Variants in VWA5A observed in about 807,000 individuals in gnomAD.
VWA5A encodes the protein von Willebrand factor A domain containing 5A, also known as von Willebrand factor A domain-containing protein 5A.
In VWA5A, 77 loss-of-function variants were observed where a neutral mutation model predicts 84.6. The ratio of observed to expected loss-of-function variants is 0.91; its 90% CI spans 0.76 to 1.10. VWA5A has a LOEUF of 1.10. VWA5A is among the 50% of genes least tolerant of loss of function. VWA5A has a pLI of 0.00. For synonymous variants in VWA5A, 334 were observed against 350.1 expected (o/e 0.95, Z 0.51); for missense variants, 973 against 963.0 (o/e 1.01, Z -0.14).
chr11:124,135,115 G>T, intron 12 of VWA5A, 81 bp downstream of exon 12: 1 of 1,165,934 alleles, frequency 8.6e-7, no homozygotes, highest in Non-Finnish European at 1.2e-6. Context: ...CTGTGTAAGG[G>T]CAGGGGTAGC....
rs748442169 is a variant in VWA5A, at chr11:124,118,397, G to A, written c.455G>A (p.Arg152Lys). The A allele has an allele frequency of 6.2e-7, 1 of 1,614,242 alleles. No homozygotes were observed. The highest frequency in any genetic ancestry group is 8.5e-7 in the Non-Finnish European group (1 of 1,180,030). The change falls in exon 5 of 19, where the codon AGA (arginine) becomes AAA (lysine). Residue 152 changes from arginine to lysine, a missense_variant. Arg to Lys is a conservative substitution (Grantham distance 26). Transcript: ENST00000456829. ...RFVLPAVLNP[R>K]YQFSGSSKDS... ...GTGCTCCCAGCTGTCCTGAATCCTA[G>A]ATACCAGTTCTCTGGTGAGTACCTC...
chr11:124,139,257 G>T (rs1591365829), intron 15 of VWA5A, among the ~76,000 whole-genome samples: 1 of 147,846 alleles, frequency 6.8e-6, no homozygotes, highest in East Asian at 2.1e-4. Context: ...GTGTGTGTGT[G>T]TTTTCTCAAG....
At chr11:124,145,716 A>G (rs1860809246) in intron 18 of VWA5A, 150 bp from the exon 19 acceptor site, 2 of 817,678 alleles carry the variant, frequency 2.4e-6, no homozygotes, top group Non-Finnish European at 3.7e-6. Flanking sequence ...GGGCCAGAGA[A>G]GATTCAAGGA....
intron 11 of VWA5A, among the ~76,000 whole-genome samples, chr11:124,130,027 A>C (rs1397046752): frequency 1.3e-5 from 2 of 151,684 alleles, no homozygotes; most frequent in African/African-American, 4.9e-5. Context: ...CTAGCTTTTG[A>C]ATGTGTTTGC....
At position 124,146,764 on chromosome 11, in the gene VWA5A, A is replaced by C. The variant is rs1405655237; in HGVS notation, c.*819A>C. 1.3e-5 allele frequency: 2 copies of C among 152,272 alleles called. No individual in the cohort carries two copies. The highest frequency in any genetic ancestry group is 6.6e-5 in the Admixed American group (1 of 15,266). 9.4% of individuals were successfully genotyped at this position (152,272 alleles called of 1,614,324 possible). A position where few individuals can be genotyped will look rare whatever the true frequency, so the allele number is the denominator to read the frequency against. Reference sequence around the variant, plus strand: ...GACCTGAACCTGGAGCACTTACCGCATTAGGAAGAAAGGAGCTCCCCGTAA... The same window carrying C: ...GACCTGAACCTGGAGCACTTACCGCCTTAGGAAGAAAGGAGCTCCCCGTAA... On this transcript the variant is annotated 3_prime_UTR_variant, in exon 19 of 19. Coordinates refer to ENST00000456829, the MANE Select transcript of VWA5A (RefSeq NM_001130142.2).
rs1332850651 is a variant in VWA5A, at chr11:124,133,524, A to T, written c.1245-1396A>T. On this transcript the variant is annotated intron_variant, in intron 11 of 18. Coordinates refer to ENST00000456829, the MANE Select transcript of VWA5A (RefSeq NM_001130142.2). ...GATGTTTTCAAACAAATTATTGTAA[A>T]TATTGTATACAGCTTTCCTAGTTCT... is the stretch of plus-strand genomic sequence containing the variant. 5.3e-5 allele frequency among the ~76,000 whole-genome samples: 8 copies of T among 152,298 alleles called. No homozygotes were observed. The East Asian group carries it at 1.5e-3, about 29-fold the overall frequency.
In VWA5A at chr11:124,123,899, T is replaced by A. The variant is rs955102319; in HGVS notation, c.1164+95T>A. On this transcript the variant is annotated intron_variant, in intron 10 of 18. Transcript: ENST00000456829. ...CTTCATGCAGTATGTTGAAATATAG[T>A]TTGCAATTCACAGTCTTCTATCATA... The A allele has an allele frequency of 2.1e-6, 3 of 1,449,362 alleles. No homozygotes were observed. In the African/African-American group the frequency reaches 4.3e-5, roughly 21 times the overall value. The allele number at this position is 1,449,362 out of a possible 1,614,324, so 89.8% of individuals were successfully genotyped here.
Position 124,146,868 on chromosome 11 carries a change from T to C in VWA5A, c.*923T>C, listed in dbSNP as rs1320112287. The C allele has an allele frequency of 1.2e-5, 2 of 161,492 alleles. No individual in the cohort carries two copies. The highest frequency in any genetic ancestry group is 4.8e-5 in the African/African-American group (2 of 41,456). The allele number at this position is 161,492 out of a possible 1,614,324, so 10.0% of individuals were successfully genotyped here. Reference sequence around the variant, plus strand: ...TTGATATGCTGTCCCTTAAAATAACTTGTATCAATATTAAAATGACTATTT... The same window carrying C: ...TTGATATGCTGTCCCTTAAAATAACCTGTATCAATATTAAAATGACTATTT... On this transcript the variant is annotated 3_prime_UTR_variant, in exon 19 of 19. Transcript: ENST00000456829.
At chr11:124,133,358 C>A (rs1036449402) in intron 11 of VWA5A, among the ~76,000 whole-genome samples, 4 of 152,194 alleles carry the variant, frequency 2.6e-5, no homozygotes, top group Admixed American at 6.5e-5. Context: ...CTGCGTGTAA[C>A]CACTTAGGTT....
In VWA5A at chr11:124,128,411, T is replaced by C. The variant is rs565873691; in HGVS notation, c.1244+4095T>C. ...ACCAGTACCATGCCGTTTTGGTTACTGTAGCCTTGTAGTATAGTTTGAAGC... is the reference window on the plus strand; with the variant it reads ...ACCAGTACCATGCCGTTTTGGTTACCGTAGCCTTGTAGTATAGTTTGAAGC... On this transcript the variant is annotated intron_variant, in intron 11 of 18. Coordinates refer to ENST00000456829, the MANE Select transcript of VWA5A (RefSeq NM_001130142.2). 6.6e-5 allele frequency among the ~76,000 whole-genome samples: 10 copies of C among 152,372 alleles called. No individual in the cohort carries two copies. The South Asian group carries it at 1.0e-3, about 16-fold the overall frequency.
intron 17 of VWA5A, among the ~76,000 whole-genome samples, chr11:124,144,446 CTGTT>C (rs1360304902): frequency 6.6e-6 from 1 of 152,158 alleles, no homozygotes; most frequent in African/African-American, 2.4e-5. Flanking sequence ...AATCATTACG[CTGTT>C]TGTTTTTAGA....
intron 17 of VWA5A, among the ~76,000 whole-genome samples, chr11:124,143,825 A>G (rs1860771821): frequency 6.6e-6 from 1 of 152,162 alleles, no homozygotes; most frequent in Admixed American, 6.5e-5. Context: ...AAAACTTCAG[A>G]CTGACATTTC....
At chr11:124,122,534 G>A (rs1389684631) in intron 7 of VWA5A, among the ~76,000 whole-genome samples, 1 of 152,168 alleles carries the variant, frequency 6.6e-6, no homozygotes, top group African/African-American at 2.4e-5. Flanking sequence ...TTTTTTCAAA[G>A]CTGTAATTAA....
intron 11 of VWA5A, among the ~76,000 whole-genome samples, chr11:124,127,997 G>A (rs972216323): frequency 2.6e-5 from 4 of 152,136 alleles, no homozygotes; most frequent in Non-Finnish European, 5.9e-5. Context: ...CTTTTGCTGT[G>A]CAGAAGTTCT....
chr11:124,126,090 T>G (rs1865014844), intron 11 of VWA5A, among the ~76,000 whole-genome samples: 1 of 152,226 alleles, frequency 6.6e-6, no homozygotes, highest in African/African-American at 2.4e-5. Context: ...TGCATTGGTC[T>G]ATTCATCTAG....
At chr11:124,124,145 G>T in intron 10 of VWA5A, 92 bp from the exon 11 acceptor site, 1 of 1,217,000 alleles carries the variant, frequency 8.2e-7, no homozygotes, top group Non-Finnish European at 1.2e-6. Context: ...CAGAGCCTCT[G>T]CAATGAAATA....
Position 124,145,967 on chromosome 11 carries a change from G to A in VWA5A, c.*22G>A. 6.4e-7 allele frequency: 1 copy of A among 1,570,352 alleles called. No individual in the cohort carries two copies. The highest frequency in any genetic ancestry group is 8.7e-7 in the Non-Finnish European group (1 of 1,154,088). The stretch of plus-strand genomic sequence containing the variant: ...TTGAAGATACCATCCAGAAAAAGAA[G>A]TGCCTTTAATTTGCTACTGTCATTT... On this transcript the variant is annotated 3_prime_UTR_variant, in exon 19 of 19. Transcript: ENST00000456829.
In VWA5A at chr11:124,146,273, A is replaced by G; in HGVS notation, c.*328A>G. On this transcript the variant is annotated 3_prime_UTR_variant, in exon 19 of 19. Coordinates refer to ENST00000456829, the MANE Select transcript of VWA5A (RefSeq NM_001130142.2). Reference sequence around the variant, plus strand: ...AACAGGTGACATGAACTACAGACTAAAGATTGCAGCATTTATGTTAGAGAA... The same window carrying G: ...AACAGGTGACATGAACTACAGACTAGAGATTGCAGCATTTATGTTAGAGAA... 1 of 226,660 alleles carries G rather than the reference A, an allele frequency of 4.4e-6. No individual in the cohort carries two copies. Among genetic ancestry groups the G allele is most frequent in the Non-Finnish European group, 8.6e-6 (1 of 115,776 alleles). The allele number at this position is 226,660 out of a possible 1,614,324, so 14.0% of individuals were successfully genotyped here.
chr11:124,137,124 T>C lies in VWA5A; in HGVS notation c.1735T>C (p.Ser579Pro), dbSNP rs1860622651. The C allele has an allele frequency of 6.2e-7, 1 of 1,613,804 alleles. No individual in the cohort carries two copies. The highest frequency in any genetic ancestry group is 8.5e-7 in the Non-Finnish European group (1 of 1,180,008). ...KKDALNLSLE[S>P]GVISSFTAFI... Reference sequence around the variant, plus strand: ...AGATGCATTGAACCTTAGCCTTGAGTCTGGTGTCATAAGCTCCTTCACAGC... The same window carrying C: ...AGATGCATTGAACCTTAGCCTTGAGCCTGGTGTCATAAGCTCCTTCACAGC... Residue 579 changes from serine to proline, a missense_variant, in exon 15 of 19, where the codon TCT becomes CCT. Transcript: ENST00000456829.
Sources: gnomAD v4.1 joint callset for allele counts (sites outside exome capture counted in the v4.1 genomes callset) on GRCh38, gnomAD v4.1.1 for gene constraint, MANE v1.5 for transcripts, NCBI Gene and HGNC (gene_info 2026-07-23, HGNC 2026-07-21) for gene names.